Variants in PRKAR2B observed in about 807,000 individuals in gnomAD.
PRKAR2B encodes protein kinase cAMP-dependent type II regulatory subunit beta.
A neutral mutation model predicts 49.9 loss-of-function variants in PRKAR2B; 14 were observed. The ratio of observed to expected loss-of-function variants is 0.28; its 90% confidence interval spans 0.19 to 0.44. The LOEUF (loss-of-function observed/expected upper bound fraction) is 0.44, where lower values mean the gene tolerates loss of function less well. Ranked by LOEUF, PRKAR2B falls within the 20% of genes least tolerant of loss-of-function variation. The probability of loss-of-function intolerance (pLI) is 1.00; values close to 1 mark genes in which losing one functional copy is unlikely to be tolerated. For missense variants in PRKAR2B, 393 were observed against 537.9 expected (o/e 0.73, Z 2.67); for synonymous variants, 196 against 197.7 (o/e 0.99, Z 0.07).
chr7:107,074,240 A>T (rs1794344337), intron 2 of PRKAR2B, among the ~76,000 whole-genome samples: 1 of 151,672 alleles, frequency 6.6e-6, no homozygotes, highest in Non-Finnish European at 1.5e-5. Context: ...AGTAGCTGGG[A>T]CTACAGGTGT....
intron 2 of PRKAR2B, among the ~76,000 whole-genome samples, chr7:107,071,843 A>T (rs1037268873): frequency 7.2e-5 from 11 of 152,170 alleles, no homozygotes; most frequent in Non-Finnish European, 1.3e-4. Flanking sequence ...AGGCGGGCAG[A>T]TCACGAGGTC....
At chr7:107,144,825 C>A in intron 5 of PRKAR2B, among the ~76,000 whole-genome samples, 1 of 144,588 alleles carries the variant, frequency 6.9e-6, no homozygotes, top group Middle Eastern at 3.3e-3. Context: ...GCAGCACGTC[C>A]CCACTCTTTG....
intron 2 of PRKAR2B, among the ~76,000 whole-genome samples, chr7:107,089,132 C>T (rs1398728957): frequency 6.6e-6 from 1 of 152,094 alleles, no homozygotes; most frequent in Non-Finnish European, 1.5e-5. Context: ...TTTGCCACTG[C>T]ACTCCAGCCT....
At position 107,151,034 on chromosome 7, in the gene PRKAR2B, G is replaced by A; in HGVS notation, c.843+11G>A. ...CTTAAATCTTTGGAGGTAAGTATATGTTTATGCTTTTATTTTATTTTGCTT... is the reference window on the plus strand; with the variant it reads ...CTTAAATCTTTGGAGGTAAGTATATATTTATGCTTTTATTTTATTTTGCTT... On this transcript the variant is annotated intron_variant, in intron 7 of 10. Coordinates refer to ENST00000265717, the MANE Select transcript of PRKAR2B (RefSeq NM_002736.3). The A allele has an allele frequency of 7.1e-7, 1 of 1,416,670 alleles. No individual in the cohort carries two copies. The highest frequency in any genetic ancestry group is 9.6e-7 in the Non-Finnish European group (1 of 1,046,784). The allele number at this position is 1,416,670 out of a possible 1,614,324, so 87.8% of individuals were successfully genotyped here. A position where few individuals can be genotyped will look rare whatever the true frequency, so the allele number is the denominator to read the frequency against.
intron 8 of PRKAR2B, among the ~76,000 whole-genome samples, chr7:107,156,534 G>C (rs1005819698): frequency 6.6e-6 from 1 of 152,104 alleles, no homozygotes; most frequent in African/African-American, 2.4e-5. Context: ...GGCCGGGCTC[G>C]GTGGCTCACG....
At position 107,045,193 on chromosome 7, in the gene PRKAR2B, G is replaced by A; in HGVS notation, c.286G>A (p.Ala96Thr). The change falls in exon 1 of 11, where the codon GCG (alanine) becomes ACG (threonine). Residue 96 changes from alanine (A) to threonine (T), a missense_variant. Ala to Thr is a moderately conservative substitution (Grantham distance 58, BLOSUM62 0). Coordinates refer to ENST00000265717, the MANE Select transcript of PRKAR2B (RefSeq NM_002736.3). The stretch of plus-strand genomic sequence containing the variant: ...CGGGGAGGAGGAGGAGGCGGCGCCC[G>A]CGGACGCAGGGGCGTTCAATGGTGA... ...EDGEEEEAAPADAGAFNAPVI... is the reference protein window; with the variant it reads ...EDGEEEEAAPTDAGAFNAPVI... 1 of 1,462,738 alleles carries A rather than the reference G, an allele frequency of 6.8e-7. No individual in the cohort carries two copies. Among genetic ancestry groups the A allele is most frequent in the Non-Finnish European group, 9.0e-7 (1 of 1,108,444 alleles). The allele number at this position is 1,462,738 out of a possible 1,614,324, so 90.6% of individuals were successfully genotyped here.
chr7:107,154,581 A>ATATGTAATGTATATG (rs1796045862), intron 8 of PRKAR2B, among the ~76,000 whole-genome samples: 1 of 152,262 alleles, frequency 6.6e-6, no homozygotes, highest in South Asian at 2.1e-4. Context: ...TTAAGCATTT[A>ATATGTAATGTATATG]TAAATATACA....
chr7:107,138,412 C>G (rs191410736), intron 4 of PRKAR2B, among the ~76,000 whole-genome samples: 2 of 152,242 alleles, frequency 1.3e-5, no homozygotes, highest in East Asian at 3.9e-4. Context: ...CTAAAAAATT[C>G]TATTTTATTT....
intron 3 of PRKAR2B, 35 bp from the exon 4 acceptor site, chr7:107,128,177 A>T (rs1795532191): frequency 3.0e-6 from 4 of 1,354,798 alleles, no homozygotes; most frequent in Non-Finnish European, 4.2e-6. Context: ...GGTATTGGCT[A>T]ATGTCTTTGT....
chr7:107,069,467 A>T (rs1794220220), intron 1 of PRKAR2B, among the ~76,000 whole-genome samples: 1 of 152,230 alleles, frequency 6.6e-6, no homozygotes, highest in African/African-American at 2.4e-5. Context: ...TTCTGTTACC[A>T]AAATACTGCA....
intron 2 of PRKAR2B, among the ~76,000 whole-genome samples, chr7:107,095,610 G>A (rs993707972): frequency 1.3e-5 from 2 of 152,142 alleles, no homozygotes; most frequent in Non-Finnish European, 2.9e-5. Flanking sequence ...TCCAGTTTTT[G>A]CCCATTCAGT....
chr7:107,114,326 G>GTA (rs1223228418), intron 2 of PRKAR2B, among the ~76,000 whole-genome samples: 308 of 6,796 alleles, frequency 0.045, 2 homozygotes, highest in Admixed American at 0.11. Flanking sequence ...ATGTACAGCT[G>GTA]TGTGTGTGTG....
chr7:107,052,542 A>T (rs1793828497), intron 1 of PRKAR2B, among the ~76,000 whole-genome samples: 1 of 152,250 alleles, frequency 6.6e-6, no homozygotes, highest in Non-Finnish European at 1.5e-5. Context: ...CTTTACACAT[A>T]TGTGATTTAG....
intron 3 of PRKAR2B, among the ~76,000 whole-genome samples, chr7:107,124,699 C>A (rs534039337): frequency 3.3e-5 from 5 of 152,140 alleles, no homozygotes; most frequent in Non-Finnish European, 7.4e-5. Context: ...GGATTACTGG[C>A]GTGAGCCACT....
At chr7:107,055,689 G>C (rs1793899298) in intron 1 of PRKAR2B, among the ~76,000 whole-genome samples, 1 of 152,146 alleles carries the variant, frequency 6.6e-6, no homozygotes, top group Admixed American at 6.5e-5. Flanking sequence ...ATTTGTTTGA[G>C]TTCATTGTAG....
At chr7:107,091,744 G>GGCTATGTGACAGTCTCCA (rs1794735862) in intron 2 of PRKAR2B, 1 of 152,170 alleles carries the variant, frequency 6.6e-6, no homozygotes. Context: ...CTTCTTGTAG[G>GGCTATGTGACAGTCTCCA]GCTATGTGAC....
intron 1 of PRKAR2B, among the ~76,000 whole-genome samples, chr7:107,065,983 C>G (rs1269786478): frequency 6.6e-6 from 1 of 152,096 alleles, no homozygotes; most frequent in Non-Finnish European, 1.5e-5. Flanking sequence ...TTCTGGGTCT[C>G]TTGGGAGCGT....
At chr7:107,071,778 A>G (rs1794281690) in intron 2 of PRKAR2B, among the ~76,000 whole-genome samples, 1 of 152,208 alleles carries the variant, frequency 6.6e-6, no homozygotes, top group Non-Finnish European at 1.5e-5. Context: ...CATTATACGT[A>G]TCATTGGCTG....
intron 2 of PRKAR2B, among the ~76,000 whole-genome samples, chr7:107,120,918 G>C (rs1433802920): frequency 6.6e-6 from 1 of 150,774 alleles, no homozygotes; most frequent in Non-Finnish European, 1.5e-5. Flanking sequence ...GGACAAAGGA[G>C]GAAATACAAC....
Sources: allele counts gnomAD v4.1 joint callset (sites outside exome capture counted in the v4.1 genomes callset), GRCh38; gene constraint gnomAD v4.1.1; transcripts MANE v1.5; gene names NCBI Gene and HGNC (gene_info 2026-07-23, HGNC 2026-07-21).